The following FRAS1 variants were observed in gnomAD, a reference collection of about 807,000 sequenced individuals.
FRAS1 encodes the protein extracellular matrix organizing protein FRAS1.
Under a neutral mutation model 435.2 loss-of-function variants are expected in FRAS1, and 290 were observed. That is an observed-to-expected ratio of 0.67 (90% confidence interval 0.61 to 0.73). The LOEUF (loss-of-function observed/expected upper bound fraction) is 0.73, where lower values mean the gene tolerates loss of function less well. Ranked by LOEUF, FRAS1 falls within the 30% of genes least tolerant of loss-of-function variation. The pLI, the probability that FRAS1 is intolerant of heterozygous loss-of-function variation, is 0.00. For missense variants in FRAS1, 4,860 were observed against 5,001.5 expected, an observed-to-expected ratio of 0.97 and a Z score of 0.85; for synonymous variants, 1,800 against 1,851.0, an observed-to-expected ratio of 0.97 and a Z score of 0.71.
intron 18 of FRAS1, among the ~76,000 whole-genome samples, chr4:78,330,114 C>T (rs1438107170): frequency 1.3e-5 from 2 of 152,130 alleles, no homozygotes; most frequent in African/African-American, 4.8e-5. Context: ...GGCAGAAGAA[C>T]GTGGATTGTG....
At chr4:78,213,049 T>G (rs1320087) in intron 2 of FRAS1, among the ~76,000 whole-genome samples, 42,068 of 152,040 alleles carry the variant, frequency 0.28, 6,238 homozygotes, top group Non-Finnish European at 0.32. Context: ...GGATGCAGGC[T>G]GATCCAGGGA....
At chr4:78,118,325 C>T (rs535537958) in intron 2 of FRAS1, among the ~76,000 whole-genome samples, 78 of 152,260 alleles carry the variant, frequency 5.1e-4, no homozygotes, top group Non-Finnish European at 1.0e-4. Context: ...TGTCCAGCTG[C>T]GTGCTGGGAG....
At position 78,220,652 on chromosome 4, in the gene FRAS1, G is replaced by A. The variant is rs62309970; in HGVS notation, c.109-16858G>A. Among the ~76,000 whole-genome samples the A allele has an allele frequency of 1.2e-3, 176 of 152,198 alleles. 1 individual carries two copies. The highest frequency in any genetic ancestry group is 2.0e-3 in the Non-Finnish European group (133 of 68,004). On this transcript the variant is annotated intron_variant, in intron 2 of 73. Transcript: ENST00000512123. ...TCTGTATAATCTAATTTCATTAATA[G>A]AACAATCAAAGCAACAAAATATTAC...
At chr4:78,481,174 T>C (rs566962842) in intron 56 of FRAS1, among the ~76,000 whole-genome samples, 47 of 152,358 alleles carry the variant, frequency 3.1e-4, no homozygotes, top group African/African-American at 1.1e-3. Context: ...TCTCTGCCCT[T>C]GATTGTGAAA....
chr4:78,359,172 A>T (rs1730976879), intron 20 of FRAS1, among the ~76,000 whole-genome samples: 1 of 152,118 alleles, frequency 6.6e-6, no homozygotes, highest in East Asian at 1.9e-4. Flanking sequence ...TTCTGTGTAG[A>T]TCACAGCATC....
intron 61 of FRAS1, among the ~76,000 whole-genome samples, chr4:78,502,826 A>G (rs1010994910): frequency 1.3e-5 from 2 of 152,212 alleles, no homozygotes; most frequent in East Asian, 1.9e-4. Flanking sequence ...GCTTTTGCCC[A>G]TTCAATATGA....
chr4:78,103,981 G>A (rs1742262369), intron 2 of FRAS1, among the ~76,000 whole-genome samples: 1 of 152,236 alleles, frequency 6.6e-6, no homozygotes, highest in African/African-American at 2.4e-5. Flanking sequence ...TGCACTCAGT[G>A]TTTATTGGGA....
chr4:78,463,419 A>C (rs1024516647), intron 47 of FRAS1, among the ~76,000 whole-genome samples: 1 of 152,188 alleles, frequency 6.6e-6, no homozygotes, highest in African/African-American at 2.4e-5. Flanking sequence ...CATGCCCCAG[A>C]GTCAGGCGGT....
intron 14 of FRAS1, among the ~76,000 whole-genome samples, chr4:78,289,274 A>G (rs1727767938): frequency 6.8e-6 from 1 of 147,340 alleles, no homozygotes. Flanking sequence ...TTAGGGGTAT[A>G]TGCACAAACA....
At position 78,292,821 on chromosome 4, in the gene FRAS1, C is replaced by T. The variant is rs1727960320; in HGVS notation, c.1534+6282C>T. 2.0e-5 allele frequency among the ~76,000 whole-genome samples: 3 copies of T among 152,188 alleles called. No homozygotes were observed. In the South Asian group the frequency reaches 6.2e-4, roughly 32 times the overall value. ...CTCAGTTTCATTGCCGGGTCACATA[C>T]TCAGTTTAGGGGCCCTGCATGTTTC... On this transcript the variant is annotated intron_variant, in intron 14 of 73. Coordinates refer to ENST00000512123, the MANE Select transcript of FRAS1 (RefSeq NM_025074.7).
chr4:78,240,104 A>G (rs1434133229), intron 3 of FRAS1, among the ~76,000 whole-genome samples: 2 of 152,140 alleles, frequency 1.3e-5, no homozygotes, highest in African/African-American at 4.8e-5. Context: ...TGAGGCTAGA[A>G]AGTTGGTAAG....
At chr4:78,515,719 A>G (rs1721186398) in intron 65 of FRAS1, 80 bp from the exon 66 acceptor site, 14 of 1,314,324 alleles carry the variant, frequency 1.1e-5, no homozygotes, top group Non-Finnish European at 1.5e-5. Context: ...TTTAGTGCAA[A>G]AGGGTGAGCT....
intron 14 of FRAS1, among the ~76,000 whole-genome samples, chr4:78,304,706 G>A (rs980794534): frequency 1.3e-5 from 2 of 151,936 alleles, no homozygotes; most frequent in African/African-American, 4.8e-5. Flanking sequence ...GGGATAGGTG[G>A]TGATATCCCC....
At chr4:78,211,566 G>A (rs1207270182) in intron 2 of FRAS1, among the ~76,000 whole-genome samples, 1 of 152,126 alleles carries the variant, frequency 6.6e-6, no homozygotes, top group Non-Finnish European at 1.5e-5. Context: ...GCCTTCCAAG[G>A]GCTCTTCACC....
chr4:78,308,165 G>T lies in FRAS1; in HGVS notation c.1634G>T (p.Ser545Ile), dbSNP rs1728869571. ...GTGCTGAGAGATGGCGGCTGTGAGA[G>T]CAGCTGTGGAAAAGGCTTCTACAAC... ...LHVLRDGGCESSCGKGFYNRQ... is the reference protein window; with the variant it reads ...LHVLRDGGCEISCGKGFYNRQ... The change falls in exon 15 of 74, where the codon AGC becomes ATC. Residue 545 changes from serine (S) to isoleucine (I), a missense_variant. Physicochemically the swap from Ser to Ile is moderately radical, Grantham distance 142. Coordinates refer to ENST00000512123, the MANE Select transcript of FRAS1 (RefSeq NM_025074.7). 2 of 1,613,922 alleles carry T rather than the reference G, an allele frequency of 1.2e-6. No individual in the cohort carries two copies. Among genetic ancestry groups the T allele is most frequent in the Non-Finnish European group, 1.7e-6 (2 of 1,179,854 alleles).
chr4:78,531,860 C>T (rs539242623), intron 70 of FRAS1, among the ~76,000 whole-genome samples: 3 of 152,324 alleles, frequency 2.0e-5, no homozygotes, highest in African/African-American at 4.8e-5. Context: ...ACACCCAAAT[C>T]TTAACAATAT....
chr4:78,318,370 G>C (rs1729361880), intron 17 of FRAS1, among the ~76,000 whole-genome samples: 1 of 152,134 alleles, frequency 6.6e-6, no homozygotes, highest in Non-Finnish European at 1.5e-5. Context: ...CTATGTAGTG[G>C]GTGTTGGATG....
intron 37 of FRAS1, 34 bp from the exon 38 acceptor site, chr4:78,432,323 G>A: frequency 6.4e-7 from 1 of 1,554,880 alleles, no homozygotes; most frequent in Non-Finnish European, 8.7e-7. Context: ...ATTCCCAGAA[G>A]CAACTCGTTT....
intron 47 of FRAS1, among the ~76,000 whole-genome samples, chr4:78,459,478 G>T (rs1479603812): frequency 6.6e-6 from 1 of 152,236 alleles, no homozygotes; most frequent in Non-Finnish European, 1.5e-5. Flanking sequence ...CCACCTAAGA[G>T]AGTGGTGGGA....
Sources: allele counts gnomAD v4.1 joint callset (sites outside exome capture counted in the v4.1 genomes callset), GRCh38; gene constraint gnomAD v4.1.1; transcripts MANE v1.5; gene names NCBI Gene and HGNC (gene_info 2026-07-23, HGNC 2026-07-21).